The following KIAA1217 variants were observed in gnomAD, a reference collection of about 807,000 sequenced individuals.
KIAA1217 encodes sickle tail protein homolog.
In KIAA1217, 88 loss-of-function variants were observed where a neutral mutation model predicts 163.9. The observed-to-expected ratio is 0.54, with a 90% CI of 0.45 to 0.64. KIAA1217 has a LOEUF of 0.64. KIAA1217 is among the 30% of genes least tolerant of loss of function. KIAA1217 has a pLI of 0.00. For synonymous variants in KIAA1217, 903 were observed against 923.1 expected (o/e 0.98, Z 0.39); for missense variants, 2,372 against 2,475.0 (o/e 0.96, Z 0.88).
At chr10:24,266,790 A>G (rs1467640458) in intron 2 of KIAA1217, among the ~76,000 whole-genome samples, 2 of 152,212 alleles carry the variant, frequency 1.3e-5, no homozygotes, top group African/African-American at 2.4e-5. Flanking sequence ...AAATAAGGGA[A>G]TAAATGCTGG....
At chr10:24,361,135 C>G (rs1037075291) in intron 2 of KIAA1217, among the ~76,000 whole-genome samples, 1 of 151,864 alleles carries the variant, frequency 6.6e-6, no homozygotes, top group Non-Finnish European at 1.5e-5. Context: ...CACATAGACT[C>G]AAAGGAAAGA....
chr10:23,874,881 T>C (rs1840611060), intron 1 of KIAA1217, among the ~76,000 whole-genome samples: 1 of 151,954 alleles, frequency 6.6e-6, no homozygotes, highest in Non-Finnish European at 1.5e-5. Flanking sequence ...GGAAAAGAGG[T>C]TTATTTTGCA....
chr10:23,824,658 A>ATTATAT (rs1379535101), intron 1 of KIAA1217, among the ~76,000 whole-genome samples: 49 of 53,058 alleles, frequency 9.2e-4, no homozygotes, highest in African/African-American at 3.2e-3. Context: ...AAATAAAAAA[A>ATTATAT]ATATATATAT....
At chr10:24,018,422 C>T in intron 2 of KIAA1217, among the ~76,000 whole-genome samples, 1 of 151,958 alleles carries the variant, frequency 6.6e-6, no homozygotes. Flanking sequence ...GATTTGTGAA[C>T]TGAAAGAGCT....
At chr10:24,056,473 A>G (rs1283163700) in intron 2 of KIAA1217, among the ~76,000 whole-genome samples, 1 of 152,154 alleles carries the variant, frequency 6.6e-6, no homozygotes, top group South Asian at 2.1e-4. Flanking sequence ...AAAGGACTGT[A>G]CTAAGAACGT....
intron 1 of KIAA1217, among the ~76,000 whole-genome samples, chr10:23,826,773 C>T (rs1156854917): frequency 6.6e-6 from 1 of 152,138 alleles, no homozygotes; most frequent in Non-Finnish European, 1.5e-5. Flanking sequence ...CAAGGGCTAT[C>T]ATATTCTCGG....
chr10:24,396,135 G>C (rs1043589433), intron 3 of KIAA1217, among the ~76,000 whole-genome samples: 1 of 152,232 alleles, frequency 6.6e-6, no homozygotes. Flanking sequence ...TCAGGAGTTC[G>C]AGACCAGCCT....
At chr10:24,542,831 G>C in intron 18 of KIAA1217, 52 bp from the exon 19 acceptor site, 1 of 1,610,916 alleles carries the variant, frequency 6.2e-7, no homozygotes, top group Non-Finnish European at 8.5e-7. Flanking sequence ...TGCCTCTGCA[G>C]ATCCATTGCT....
intron 1 of KIAA1217, among the ~76,000 whole-genome samples, chr10:23,835,214 C>T (rs2131050385): frequency 6.6e-6 from 1 of 152,056 alleles, no homozygotes; most frequent in African/African-American, 2.4e-5. Flanking sequence ...TAGAGAAGAA[C>T]TAGGAAGGAG....
chr10:24,089,932 G>C (rs928200552), intron 2 of KIAA1217, among the ~76,000 whole-genome samples: 6 of 151,640 alleles, frequency 4.0e-5, no homozygotes, highest in Non-Finnish European at 5.9e-5. Flanking sequence ...CACAGAGTTA[G>C]AAAAAACTAC....
intron 2 of KIAA1217, among the ~76,000 whole-genome samples, chr10:24,276,363 G>A (rs912454121): frequency 9.9e-5 from 15 of 152,160 alleles, no homozygotes; most frequent in Admixed American, 9.2e-4. Context: ...ATTCCATCTC[G>A]TTCTGCCCGG....
At chr10:24,027,701 A>C (rs58184848) in intron 2 of KIAA1217, among the ~76,000 whole-genome samples, 1 of 152,194 alleles carries the variant, frequency 6.6e-6, no homozygotes, top group East Asian at 1.9e-4. Context: ...TTATTTACAG[A>C]CAATAAAATA....
At chr10:24,491,128 T>C (rs963954030) in intron 6 of KIAA1217, among the ~76,000 whole-genome samples, 5 of 152,092 alleles carry the variant, frequency 3.3e-5, no homozygotes, top group Non-Finnish European at 5.9e-5. Flanking sequence ...CCAAGGAACA[T>C]GCCGAAGGTG....
chr10:24,539,985 G>C (rs554699610), intron 17 of KIAA1217, among the ~76,000 whole-genome samples: 1 of 152,212 alleles, frequency 6.6e-6, no homozygotes, highest in African/African-American at 2.4e-5. Flanking sequence ...ATATTAAAGA[G>C]GCATAATTAC....
At chr10:23,713,198 G>C (rs1837366170) in intron 1 of KIAA1217, among the ~76,000 whole-genome samples, 1 of 152,152 alleles carries the variant, frequency 6.6e-6, no homozygotes, top group Non-Finnish European at 1.5e-5. Context: ...TCAGTAGCCA[G>C]GATGACTTTT....
At chr10:23,900,817 C>T (rs950210773) in intron 1 of KIAA1217, among the ~76,000 whole-genome samples, 5 of 152,108 alleles carry the variant, frequency 3.3e-5, no homozygotes, top group African/African-American at 1.2e-4. Context: ...CCAACTGTAT[C>T]ATGTCCAGTT....
At chr10:23,832,638 T>A (rs74968308) in intron 1 of KIAA1217, among the ~76,000 whole-genome samples, 2,050 of 152,272 alleles carry the variant, frequency 0.013, 50 homozygotes, top group African/African-American at 0.047. Flanking sequence ...GAAGACTCAT[T>A]ATTCCACAGA....
intron 2 of KIAA1217, among the ~76,000 whole-genome samples, chr10:24,380,649 TAA>T (rs2053177733): frequency 6.8e-6 from 1 of 148,088 alleles, no homozygotes; most frequent in Non-Finnish European, 1.5e-5. Flanking sequence ...AATAAATAAA[TAA>T]ATACAATGGA....
At chr10:24,275,928 C>T (rs2077236752) in intron 2 of KIAA1217, 1 of 414,630 alleles carries the variant, frequency 2.4e-6, no homozygotes, top group African/African-American at 2.1e-5. Flanking sequence ...AACTGTCTTT[C>T]CATACCCCTC....
Sources: gnomAD v4.1 joint callset for allele counts (sites outside exome capture counted in the v4.1 genomes callset) on GRCh38, gnomAD v4.1.1 for gene constraint, MANE v1.5 for transcripts, NCBI Gene and HGNC (gene_info 2026-07-23, HGNC 2026-07-21) for gene names.